The following PAK2 variants were observed in gnomAD, a reference collection of about 807,000 sequenced individuals.
PAK2 encodes serine/threonine-protein kinase PAK 2.
A neutral mutation model predicts 65.9 loss-of-function variants in PAK2; 21 were observed. That is an observed-to-expected ratio of 0.32 (90% CI 0.23 to 0.46). PAK2 has a LOEUF of 0.46. Ranked by LOEUF, PAK2 falls within the 20% of genes least tolerant of loss-of-function variation. The probability of loss-of-function intolerance (pLI) is 1.00; values close to 1 mark genes in which losing one functional copy is unlikely to be tolerated. For synonymous variants in PAK2, 204 were observed against 219.7 expected (o/e 0.93, Z 0.63); for missense variants, 324 against 642.6 (o/e 0.50, Z 5.36).
rs1714517317 is a variant in PAK2 at position 196,775,755 on chromosome 3, A to T, written c.-21-6871A>T. Among the ~76,000 whole-genome samples, 7 of 152,190 alleles carry T rather than the reference A, an allele frequency of 4.6e-5. No individual in the cohort carries two copies. The South Asian group carries it at 1.4e-3, about 32-fold the overall frequency. ...TGCTTAGAATTTAGCATTGCTTCTC[A>T]TGAATGAAAATGTCTCTCTGGCTCA... is the stretch of plus-strand genomic sequence containing the variant. On this transcript the variant is annotated intron_variant, in intron 1 of 14. Transcript: ENST00000327134.
intron 2 of PAK2, among the ~76,000 whole-genome samples, chr3:196,790,618 C>T (rs1026107016): frequency 3.3e-5 from 5 of 152,128 alleles, no homozygotes; most frequent in African/African-American, 7.2e-5. Flanking sequence ...GGGTCCGTCC[C>T]GCAGACCCTG....
At chr3:196,745,282 A>ATTTTTTTT (rs34194625) in intron 1 of PAK2, among the ~76,000 whole-genome samples, 18 of 92,764 alleles carry the variant, frequency 1.9e-4, no homozygotes, top group African/African-American at 3.6e-4. Flanking sequence ...CACCCAACTG[A>ATTTTTTTT]TTTTTTTTTT....
At chr3:196,817,932 A>C (rs562115212) in intron 11 of PAK2, 125 bp from the exon 12 acceptor site, 1 of 457,418 alleles carries the variant, frequency 2.2e-6, no homozygotes, top group African/African-American at 2.0e-5. Context: ...TTTTCTTTAT[A>C]AATAAAAGTA....
In PAK2 at chr3:196,828,723, T is replaced by G. The variant is rs1424082204; in HGVS notation, c.*318T>G. 3.0e-5 allele frequency: 8 copies of G among 271,060 alleles called. 1 individual carries two copies. Among genetic ancestry groups the G allele is most frequent in the Non-Finnish European group, 5.5e-5 (8 of 144,254 alleles). 16.8% of individuals were successfully genotyped at this position (271,060 alleles called of 1,614,324 possible). A position where few individuals can be genotyped will look rare whatever the true frequency, so the allele number is the denominator to read the frequency against. On this transcript the variant is annotated 3_prime_UTR_variant, in exon 15 of 15. Coordinates refer to ENST00000327134, the MANE Select transcript of PAK2 (RefSeq NM_002577.4). ...ACTTTGCTGACTTTGTTGTAATAGA[T>G]CCCATTCATTGTCCCCTTTGGGGTA...
chr3:196,762,659 A>G (rs1029827187), intron 1 of PAK2, among the ~76,000 whole-genome samples: 1 of 151,284 alleles, frequency 6.6e-6, no homozygotes, highest in East Asian at 2.0e-4. Context: ...TCGGCTCCGC[A>G]TGAGAGGGAG....
At position 196,812,724 on chromosome 3, in the gene PAK2, C is replaced by T. The variant is rs1290363465; in HGVS notation, c.823-15C>T. 5 of 1,153,020 alleles carry T rather than the reference C, an allele frequency of 4.3e-6. No homozygotes were observed. The highest frequency in any genetic ancestry group is 2.5e-5 in the South Asian group (2 of 78,646). 71.4% of individuals were successfully genotyped at this position (1,153,020 alleles called of 1,614,324 possible). A position where few individuals can be genotyped will look rare whatever the true frequency, so the allele number is the denominator to read the frequency against. ...TTCCTAAACCTGGTTTTTTTCAATCCTGTTTTCATTATAGGTTGCTATCAA... is the reference window on the plus strand; with the variant it reads ...TTCCTAAACCTGGTTTTTTTCAATCTTGTTTTCATTATAGGTTGCTATCAA... On this transcript the variant is annotated splice_polypyrimidine_tract_variant and intron_variant, in intron 9 of 14. Coordinates refer to ENST00000327134, the MANE Select transcript of PAK2 (RefSeq NM_002577.4).
At chr3:196,740,411 C>G (rs1310704720) in intron 1 of PAK2, among the ~76,000 whole-genome samples, 2 of 152,168 alleles carry the variant, frequency 1.3e-5, no homozygotes, top group African/African-American at 4.8e-5. Context: ...CTGACTCTTC[C>G]TGGACCCAGC....
At chr3:196,769,418 G>A (rs1379426424) in intron 1 of PAK2, among the ~76,000 whole-genome samples, 1 of 151,960 alleles carries the variant, frequency 6.6e-6, no homozygotes, top group East Asian at 1.9e-4. Context: ...TATTATTTAA[G>A]CATTTTTAGG....
chr3:196,820,357 G>C lies in PAK2; in HGVS notation c.1154-14G>C, dbSNP rs769019161. 5.8e-6 allele frequency: 9 copies of C among 1,539,118 alleles called. No individual in the cohort carries two copies. The highest frequency in any genetic ancestry group is 7.9e-6 in the Non-Finnish European group (9 of 1,135,996). ...CCATGGAAGCCATTAACTCTGTTTT[G>C]TTTTGTTTTGTAGCTGACTTTGGTT... On this transcript the variant is annotated splice_polypyrimidine_tract_variant and intron_variant, in intron 12 of 14. Transcript: ENST00000327134. This position sits in a 1 kb window ranked among gnomAD's most constrained non-coding sequence, Gnocchi z 4.6.
chr3:196,776,321 T>C (rs920704506), intron 1 of PAK2, among the ~76,000 whole-genome samples: 6 of 152,234 alleles, frequency 3.9e-5, no homozygotes, highest in African/African-American at 1.4e-4. Context: ...TGGGAAGTAC[T>C]CATAAGGTAC....
chr3:196,743,569 C>G (rs1011953263), intron 1 of PAK2, among the ~76,000 whole-genome samples: 2 of 151,982 alleles, frequency 1.3e-5, no homozygotes, highest in African/African-American at 2.4e-5. Flanking sequence ...CCTTCTAGGC[C>G]GGGTGCGGTG....
chr3:196,766,909 A>T (rs1057317654), intron 1 of PAK2, among the ~76,000 whole-genome samples: 12 of 150,980 alleles, frequency 7.9e-5, no homozygotes, highest in Non-Finnish European at 1.2e-4. Context: ...CATTTAAAAA[A>T]AAAATAGAAA....
intron 1 of PAK2, among the ~76,000 whole-genome samples, chr3:196,769,362 C>T (rs1714285466): frequency 6.6e-6 from 1 of 151,906 alleles, no homozygotes; most frequent in Middle Eastern, 3.4e-3. Flanking sequence ...GCTTCGTATC[C>T]TAGTTTTTTG....
chr3:196,743,372 T>C (rs1713271609), intron 1 of PAK2, among the ~76,000 whole-genome samples: 1 of 152,218 alleles, frequency 6.6e-6, no homozygotes, highest in African/African-American at 2.4e-5. Context: ...TACATTCTTT[T>C]CAAGACTTGC....
At position 196,791,842 on chromosome 3, in the gene PAK2, G is replaced by T. The variant is rs1715080883; in HGVS notation, c.187+9009G>T. Among the ~76,000 whole-genome samples, 1 of 151,930 alleles carries T rather than the reference G, an allele frequency of 6.6e-6. No homozygotes were observed. Among genetic ancestry groups the T allele is most frequent in the Admixed American group, 6.6e-5 (1 of 15,264 alleles). On this transcript the variant is annotated intron_variant, in intron 2 of 14. Transcript: ENST00000327134. This position sits in a 1 kb window ranked among gnomAD's most constrained non-coding sequence, Gnocchi z 4.0. ...GGGAGGCTGAGGCAGGAGAATGGCG[G>T]GAACCCAGGAGGCGGAGCTTGCAGT... is the stretch of plus-strand genomic sequence containing the variant.
At chr3:196,759,506 T>TGTTTTTTTG (rs368450602) in intron 1 of PAK2, among the ~76,000 whole-genome samples, 3 of 26,092 alleles carry the variant, frequency 1.1e-4, no homozygotes, top group Non-Finnish European at 2.5e-4. Flanking sequence ...TTGTTTTTTT[T>TGTTTTTTTG]TTTTTTTTTT....
chr3:196,764,852 T>C (rs1170249175), intron 1 of PAK2, among the ~76,000 whole-genome samples: 1 of 144,498 alleles, frequency 6.9e-6, no homozygotes, highest in Non-Finnish European at 1.5e-5. Context: ...TTTTTTTTTT[T>C]TTTTTTTTGA....
chr3:196,811,237 T>TCCTTCCCTCCCTTCCTTC (rs1715789282), intron 8 of PAK2, among the ~76,000 whole-genome samples: 1 of 4,040 alleles, frequency 2.5e-4, no homozygotes, highest in African/African-American at 9.0e-4. Flanking sequence ...TCCCTTCCCT[T>TCCTTCCCTCCCTTCCTTC]CCTTCCCTCC....
chr3:196,813,674 A>G (rs1435966369), intron 10 of PAK2, among the ~76,000 whole-genome samples: 1 of 152,064 alleles, frequency 6.6e-6, no homozygotes, highest in African/African-American at 2.4e-5. Flanking sequence ...TTTTCAGGCT[A>G]GGCACGGTAG....
Sources: gnomAD v4.1 joint callset for allele counts (sites outside exome capture counted in the v4.1 genomes callset) on GRCh38, gnomAD v4.1.1 for gene constraint, Gnocchi (gnomAD v3.1) non-coding constraint, MANE v1.5 for transcripts, NCBI Gene and HGNC (gene_info 2026-07-23, HGNC 2026-07-21) for gene names.